The following TDRD12 variants were observed in gnomAD, a reference collection of about 807,000 sequenced individuals.
TDRD12 encodes the protein tudor domain containing 12.
TDRD12 carries 158 observed loss-of-function variants against 133.5 expected under a neutral mutation model. That is an observed-to-expected ratio of 1.18 (90% CI 1.04 to 1.35). The LOEUF (loss-of-function observed/expected upper bound fraction) is 1.35, where lower values mean the gene tolerates loss of function less well. Ranked by LOEUF, TDRD12 falls within the 40% of genes most tolerant of loss-of-function variation. The pLI is 0.00. For synonymous variants in TDRD12, 460 were observed against 477.9 expected (o/e 0.96, Z 0.49); for missense variants, 1,443 against 1,321.3 (o/e 1.09, Z -1.43).
chr19:32,800,280 C>A, exon 17 of TDRD12: 1 of 1,535,184 alleles, frequency 6.5e-7, no homozygotes, highest in South Asian at 1.2e-5. Flanking sequence ...TAGAACATCT[C>A]ATCAAAGAGT....
intron 11 of TDRD12, among the ~76,000 whole-genome samples, chr19:32,778,162 G>GT (rs1224440683): frequency 1.3e-5 from 2 of 151,952 alleles, no homozygotes; most frequent in African/African-American, 2.4e-5. Flanking sequence ...TTGGGGGTTG[G>GT]AGCCAGGGTG....
intron 8 of TDRD12, 130 bp downstream of exon 8, chr19:32,757,260 T>C: frequency 1.4e-6 from 1 of 739,872 alleles, no homozygotes; most frequent in African/African-American, 1.8e-5. Flanking sequence ...ATGTAACCAA[T>C]TTGTGATGTA....
At chr19:32,751,140 G>GT (rs1334120918) in intron 6 of TDRD12, among the ~76,000 whole-genome samples, 1 of 126,842 alleles carries the variant, frequency 7.9e-6, no homozygotes, top group Non-Finnish European at 1.6e-5. Flanking sequence ...AGTGTGTGTT[G>GT]TTTCCCCCAG....
intron 10 of TDRD12, among the ~76,000 whole-genome samples, chr19:32,776,130 C>T (rs992837048): frequency 2.6e-5 from 4 of 152,174 alleles, no homozygotes; most frequent in Admixed American, 1.3e-4. Context: ...TCTTTCTTTT[C>T]AGAATTTCCC....
chr19:32,808,469 ACT>A (rs1389939415), intron 22 of TDRD12, among the ~76,000 whole-genome samples: 1 of 151,550 alleles, frequency 6.6e-6, no homozygotes, highest in East Asian at 1.9e-4. Flanking sequence ...AGCCACTGTC[ACT>A]CTCTCTCCAC....
At position 32,775,644 on chromosome 19, in the gene TDRD12, T is replaced by C. The variant is rs552692569; in HGVS notation, c.1041-1505T>C. Among the ~76,000 whole-genome samples the C allele has an allele frequency of 6.6e-5, 10 of 152,196 alleles. No homozygotes were observed. The South Asian group carries it at 2.1e-3, about 32-fold the overall frequency. ...CACTGTGCCCGGCCTATATTTCTTG[T>C]TTCTAAAATTTTCCTTGTTTTTTTT... On this transcript the variant is annotated intron_variant, in intron 10 of 27. Transcript: ENST00000444215.
chr19:32,731,749 G>T, exon 2 of TDRD12: 1 of 1,545,044 alleles, frequency 6.5e-7, no homozygotes, highest in Non-Finnish European at 8.7e-7. Flanking sequence ...TTGCTTCTGG[G>T]TTATTATAAA....
At chr19:32,720,257 C>T (rs1968588174) in intron 1 of TDRD12, among the ~76,000 whole-genome samples, 161 bp downstream of exon 1, 1 of 100,620 alleles carries the variant, frequency 9.9e-6, no homozygotes, top group East Asian at 3.5e-4. Flanking sequence ...TACACAGCCC[C>T]CACCCCTCCC....
intron 3 of TDRD12, among the ~76,000 whole-genome samples, chr19:32,739,978 G>GCTCT (rs1969363289): frequency 1.8e-5 from 2 of 109,348 alleles, no homozygotes; most frequent in African/African-American, 3.8e-5. Context: ...TCTCCTGGGT[G>GCTCT]CTGTCTGCAT....
intron 1 of TDRD12, 102 bp downstream of exon 1, chr19:32,720,198 C>G: frequency 7.4e-7 from 1 of 1,350,692 alleles, no homozygotes; most frequent in Non-Finnish European, 1.0e-6. Context: ...CGCACAGCTT[C>G]CTACACCCAC....
At chr19:32,732,321 G>A (rs1969083315) in intron 2 of TDRD12, among the ~76,000 whole-genome samples, 1 of 152,114 alleles carries the variant, frequency 6.6e-6, no homozygotes, top group African/African-American at 2.4e-5. Context: ...AGGTTCTTTA[G>A]GTTGCACAAG....
At chr19:32,722,019 G>A (rs924616158) in intron 1 of TDRD12, among the ~76,000 whole-genome samples, 2 of 152,032 alleles carry the variant, frequency 1.3e-5, no homozygotes, top group African/African-American at 4.8e-5. Flanking sequence ...CCCGGCCGGT[G>A]CGATTTTTAA....
At chr19:32,757,272 A>C in intron 8 of TDRD12, 142 bp downstream of exon 8, 1 of 702,182 alleles carries the variant, frequency 1.4e-6, no homozygotes, top group South Asian at 1.9e-5. Flanking sequence ...TGTGATGTAG[A>C]TCCTGAAAGA....
At chr19:32,763,771 A>G (rs1321841001) in intron 8 of TDRD12, among the ~76,000 whole-genome samples, 1 of 152,142 alleles carries the variant, frequency 6.6e-6, no homozygotes, top group Non-Finnish European at 1.5e-5. Flanking sequence ...GCAAATTGTC[A>G]GTTTACAGTT....
At chr19:32,763,136 G>A (rs1351705762) in intron 8 of TDRD12, among the ~76,000 whole-genome samples, 1 of 152,074 alleles carries the variant, frequency 6.6e-6, no homozygotes, top group Non-Finnish European at 1.5e-5. Context: ...GTTGGCATAC[G>A]GCACGTGACT....
chr19:32,790,155 A>G (rs772143031), intron 11 of TDRD12, among the ~76,000 whole-genome samples: 8 of 152,080 alleles, frequency 5.3e-5, no homozygotes, highest in Non-Finnish European at 8.8e-5. Context: ...GGCCTTACCC[A>G]TGTTGGGGTT....
At chr19:32,809,960 G>GT (rs1307595810) in intron 22 of TDRD12, 133 bp from the exon 23 acceptor site, 3 of 532,116 alleles carry the variant, frequency 5.6e-6, no homozygotes, top group Admixed American at 4.1e-5. Flanking sequence ...TAGCTTCCTA[G>GT]TTTTTTCTAA....
chr19:32,774,925 C>A (rs1970538512), intron 10 of TDRD12, among the ~76,000 whole-genome samples: 1 of 151,508 alleles, frequency 6.6e-6, no homozygotes, highest in Admixed American at 6.6e-5. Context: ...GCGGGGTTTG[C>A]AGTGAGCTGA....
chr19:32,762,678 G>A (rs1015205703), intron 8 of TDRD12, among the ~76,000 whole-genome samples: 1 of 152,132 alleles, frequency 6.6e-6, no homozygotes, highest in Non-Finnish European at 1.5e-5. Context: ...TTTTCCTCTG[G>A]CCCCTCGACT....
Sources: allele counts gnomAD v4.1 joint callset (sites outside exome capture counted in the v4.1 genomes callset), GRCh38; gene constraint gnomAD v4.1.1; transcripts MANE v1.5; gene names NCBI Gene and HGNC (gene_info 2026-07-23, HGNC 2026-07-21).